Variants in RASSF3 observed in about 807,000 individuals in gnomAD.
RASSF3 encodes ras association domain-containing protein 3.
Under a neutral mutation model 19.9 loss-of-function variants are expected in RASSF3, and 19 were observed. That is an observed-to-expected ratio of 0.96 (90% CI 0.67 to 1.40). The LOEUF (loss-of-function observed/expected upper bound fraction) is 1.40, where lower values mean the gene tolerates loss of function less well. RASSF3 is among the 40% of genes most tolerant of loss of function. The pLI is 0.00. For missense variants in RASSF3, 306 were observed against 289.8 expected (o/e 1.06, Z -0.41); for synonymous variants, 110 against 104.2 (o/e 1.06, Z -0.34).
chr12:64,513,410 A>T (rs544977609), intron 1 of RASSF3, among the ~76,000 whole-genome samples: 1 of 150,548 alleles, frequency 6.6e-6, no homozygotes, highest in South Asian at 2.1e-4. Flanking sequence ...AGATCATGCC[A>T]CTGCACTCCA....
intron 1 of RASSF3, chr12:64,654,069 T>A (rs969697109): frequency 2.0e-5 from 3 of 152,230 alleles, no homozygotes; most frequent in Non-Finnish European, 4.4e-5. Flanking sequence ...TTCTCCCCAC[T>A]CTGATTCTGA....
intron 2 of RASSF3, among the ~76,000 whole-genome samples, chr12:64,685,761 CAG>C (rs1873326496): frequency 6.6e-6 from 1 of 152,202 alleles, no homozygotes; most frequent in Non-Finnish European, 1.5e-5. Flanking sequence ...GGAGAAGCCT[CAG>C]GGCCTGGGGA....
At chr12:64,609,513 C>G (rs1870263239), upstream of RASSF3, 1 of 152,244 alleles carries the variant, frequency 6.6e-6, no homozygotes, top group Admixed American at 6.5e-5. Flanking sequence ...AAAAACCTTT[C>G]AGTCAAGATC....
rs541732818 is a variant in RASSF3, at chr12:64,601,441, A to ACG, written c.294+59738_294+59739dup. Among the ~76,000 whole-genome samples, 30 of 152,334 alleles carry ACG rather than the reference A, an allele frequency of 2.0e-4. No individual in the cohort carries two copies. In the South Asian group the frequency reaches 6.0e-3, roughly 31 times the overall value. ...GCTTTAGGTCTGAGGCCCTGCTCTA[A>ACG]CGCCATCATCTATGGATGAAGATCC... On this transcript the variant is annotated intron_variant, in intron 2 of 5. Coordinates refer to the RASSF3 transcript ENST00000637125.
At chr12:64,551,864 C>T (rs1372911602) in intron 2 of RASSF3, among the ~76,000 whole-genome samples, 4 of 152,186 alleles carry the variant, frequency 2.6e-5, no homozygotes, top group Admixed American at 6.5e-5. Context: ...AGTTTTACAA[C>T]TACGAAATGT....
chr12:64,682,397 C>T (rs990338711), intron 1 of RASSF3, among the ~76,000 whole-genome samples: 1 of 151,900 alleles, frequency 6.6e-6, no homozygotes, highest in African/African-American at 2.4e-5. Flanking sequence ...CGGTGAAACC[C>T]CGTCTCTACT....
intron 4 of RASSF3, among the ~76,000 whole-genome samples, chr12:64,693,512 G>C (rs1239855483): frequency 6.6e-6 from 1 of 151,598 alleles, no homozygotes; most frequent in Admixed American, 6.6e-5. Flanking sequence ...TCAATCTCCC[G>C]GGCTCAAGCA....
chr12:64,550,208 G>T (rs1257786553), intron 2 of RASSF3, among the ~76,000 whole-genome samples: 1 of 151,802 alleles, frequency 6.6e-6, no homozygotes, highest in Non-Finnish European at 1.5e-5. Flanking sequence ...AAACAAAGAA[G>T]AATGCGTTTT....
upstream of RASSF3, among the ~76,000 whole-genome samples, chr12:64,606,156 C>G (rs1265058599): frequency 6.6e-6 from 1 of 152,092 alleles, no homozygotes; most frequent in African/African-American, 2.4e-5. Context: ...AGGCACCAAG[C>G]CAGGTTTCCT....
chr12:64,646,639 T>A (rs1242744163), intron 1 of RASSF3, among the ~76,000 whole-genome samples: 7 of 152,216 alleles, frequency 4.6e-5, no homozygotes, highest in African/African-American at 1.4e-4. Flanking sequence ...TATGCTTATG[T>A]TCTTCTTCTC....
At chr12:64,646,272 C>G (rs1414973142) in intron 1 of RASSF3, among the ~76,000 whole-genome samples, 1 of 152,082 alleles carries the variant, frequency 6.6e-6, no homozygotes, top group Non-Finnish European at 1.5e-5. Flanking sequence ...GTATCATTGG[C>G]TTTAGTAGAT....
intron 1 of RASSF3, among the ~76,000 whole-genome samples, chr12:64,518,354 G>A (rs955186218): frequency 6.6e-6 from 1 of 152,202 alleles, no homozygotes; most frequent in African/African-American, 2.4e-5. Context: ...TGTATAGGAA[G>A]CATGGTGCTG....
At chr12:64,554,198 G>A (rs75965343) in intron 2 of RASSF3, among the ~76,000 whole-genome samples, 2,201 of 152,242 alleles carry the variant, frequency 0.014, 54 homozygotes, top group African/African-American at 0.05. Context: ...GAAAGCAAAG[G>A]TTCAGGGTCA....
At chr12:64,517,305 TCC>T (rs982549780) in intron 1 of RASSF3, among the ~76,000 whole-genome samples, 7 of 99,700 alleles carry the variant, frequency 7.0e-5, no homozygotes, top group Non-Finnish European at 1.6e-4. Context: ...TGATATTAAT[TCC>T]TCCCCCCCCC....
chr12:64,593,787 G>T (rs763646202), intron 2 of RASSF3, among the ~76,000 whole-genome samples: 1 of 151,770 alleles, frequency 6.6e-6, no homozygotes, highest in Non-Finnish European at 1.5e-5. Flanking sequence ...GCAAGCAGGC[G>T]GATCACCTGA....
chr12:64,668,788 TCTC>T (rs1872606801), intron 1 of RASSF3, among the ~76,000 whole-genome samples: 1 of 151,536 alleles, frequency 6.6e-6, no homozygotes, highest in African/African-American at 2.4e-5. Flanking sequence ...TTCACGCCAT[TCTC>T]CTGCCTCAGC....
At chr12:64,543,428 CGCCCGCCCCCCCCG>C (rs1868980537), downstream of RASSF3, among the ~76,000 whole-genome samples, 7 of 48,608 alleles carry the variant, frequency 1.4e-4, no homozygotes, top group Non-Finnish European at 2.0e-4. Context: ...CCCGGCTCCC[CGCCCGCCCCCCCCG>C]TGCCCGCCCG....
At chr12:64,648,818 T>G (rs1266141135) in intron 1 of RASSF3, among the ~76,000 whole-genome samples, 1 of 148,736 alleles carries the variant, frequency 6.7e-6, no homozygotes, top group Non-Finnish European at 1.5e-5. Context: ...TTTTTTTTTT[T>G]TTTTAGAGAT....
chr12:64,633,428 G>T (rs977256016), intron 1 of RASSF3, among the ~76,000 whole-genome samples: 8 of 152,120 alleles, frequency 5.3e-5, no homozygotes, highest in Non-Finnish European at 8.8e-5. Context: ...AGAGCTGGTT[G>T]TTTAAAAAGA....
Sources: gnomAD v4.1 joint callset for allele counts (sites outside exome capture counted in the v4.1 genomes callset) on GRCh38, gnomAD v4.1.1 for gene constraint, MANE v1.5 for transcripts, NCBI Gene and HGNC (gene_info 2026-07-23, HGNC 2026-07-21) for gene names.